IRX1: variants seen among roughly 807,000 people sequenced by gnomAD.
IRX1 encodes the protein iroquois-class homeodomain protein IRX-1.
IRX1 carries 22 observed loss-of-function variants against 34.1 expected under a neutral mutation model. The ratio of observed to expected loss-of-function variants is 0.64; its 90% CI spans 0.46 to 0.92. IRX1 has a LOEUF of 0.92. IRX1 is among the 40% of genes least tolerant of loss of function. The probability of loss-of-function intolerance (pLI) is 0.00; values close to 1 mark genes in which losing one functional copy is unlikely to be tolerated. For missense variants in IRX1, 758 were observed against 680.0 expected (o/e 1.11, Z -1.28); for synonymous variants, 363 against 319.0 (o/e 1.14, Z -1.47).
chr5:3,599,763 C>A lies in IRX1; in HGVS notation c.815C>A (p.Ala272Asp). Residue 272 changes from alanine (A) to aspartate (D), a missense_variant, in exon 2 of 4, where the codon GCC (alanine) becomes GAC (aspartate). Coordinates refer to ENST00000302006, the MANE Select transcript of IRX1 (RefSeq NM_024337.4). This position sits in a 1 kb window ranked among gnomAD's most constrained non-coding sequence, Gnocchi z 6.6. ...GACCAAGGCTCGCCGCTGGCAGCAG[C>A]CGACGTTCTCAAGCCCCAGGACTCG... ...ARDQGSPLAAADVLKPQDSPL... is the reference protein window; with the variant it reads ...ARDQGSPLAADDVLKPQDSPL... 6.2e-7 allele frequency: 1 copy of A among 1,609,680 alleles called. No homozygotes were observed. Among genetic ancestry groups the A allele is most frequent in the Non-Finnish European group, 8.5e-7 (1 of 1,178,878 alleles).
In IRX1 at chr5:3,600,188, C is replaced by G. The variant is rs1454679419; in HGVS notation, c.1240C>G (p.Pro414Ala). The G allele has an allele frequency of 1.9e-6, 3 of 1,612,132 alleles. No homozygotes were observed. The African/African-American group carries it at 4.0e-5, about 22-fold the overall frequency. ...CCTTCCTGCACCTCCACCACCGCAG[C>G]CGCCGGTCGCTATTGCCCCGGGGGC... ...PHLPAPPPPQPPVAIAPGALN... is the reference protein window; with the variant it reads ...PHLPAPPPPQAPVAIAPGALN... Residue 414 changes from proline to alanine, a missense_variant, in exon 2 of 4, where the codon CCG becomes GCG. Pro to Ala is a conservative substitution (Grantham distance 27). Around this residue, in one of 3 missense-constraint regions of IRX1, gnomAD observed 529 missense variants for 418.8 expected, o/e 1.26. Transcript: ENST00000302006.
intron 3 of IRX1, 94 bp downstream of exon 3, chr5:3,600,775 G>A (rs966587744): frequency 7.8e-7 from 1 of 1,280,108 alleles, no homozygotes. Context: ...GGTGGCGGTG[G>A]GGGTCGCGCA....
Position 3,599,778 on chromosome 5 carries a change from C to T in IRX1, c.830C>T (p.Pro277Leu), listed in dbSNP as rs368997184. The T allele has an allele frequency of 1.3e-4, 208 of 1,606,804 alleles. No homozygotes were observed. Among genetic ancestry groups the T allele is most frequent in the Non-Finnish European group, 1.6e-4 (192 of 1,177,736 alleles). ...CTGGCAGCAGCCGACGTTCTCAAGCCCCAGGACTCGCCCTTGGGCCTGGCA... is the reference window on the plus strand; with the variant it reads ...CTGGCAGCAGCCGACGTTCTCAAGCTCCAGGACTCGCCCTTGGGCCTGGCA... ...SPLAAADVLKPQDSPLGLAKE... is the reference protein window; with the variant it reads ...SPLAAADVLKLQDSPLGLAKE... Residue 277 changes from proline to leucine, a missense_variant, in exon 2 of 4, where the codon CCC becomes CTC. Pro to Leu is a moderately conservative substitution (Grantham distance 98). Transcript: ENST00000302006. This position sits in a 1 kb window ranked among gnomAD's most constrained non-coding sequence, Gnocchi z 6.6.
chr5:3,600,030 A>G lies in IRX1; in HGVS notation c.1082A>G (p.His361Arg). ...CAACACCCCGCCTTCCTGCCTAGCC[A>G]CGGACTGTACACCTGCCACATCGGC... ...PLQHPAFLPS[H>R]GLYTCHIGKF... is the part of the protein sequence containing the mutation. Residue 361 changes from histidine (H) to arginine (R), a missense_variant, in exon 2 of 4, where the codon CAC (histidine) becomes CGC (arginine). Transcript: ENST00000302006. 1 of 1,580,700 alleles carries G rather than the reference A, an allele frequency of 6.3e-7. No individual in the cohort carries two copies. Among genetic ancestry groups the G allele is most frequent in the South Asian group, 1.1e-5 (1 of 87,488 alleles).
At chr5:3,598,096 T>C (rs1216846545) in intron 1 of IRX1, among the ~76,000 whole-genome samples, 2 of 152,202 alleles carry the variant, frequency 1.3e-5, no homozygotes, top group African/African-American at 2.4e-5. Flanking sequence ...CCACTGGTTC[T>C]GAGAGAGTAA....
chr5:3,600,605 G>A lies in IRX1; in HGVS notation c.1313-4G>A. Reference sequence around the variant, plus strand: ...CTAACTCTGCCTCTTCCGATCTCTCGCAGAGAGAGACCTCGTCCCCAGGCC... The same window carrying A: ...CTAACTCTGCCTCTTCCGATCTCTCACAGAGAGAGACCTCGTCCCCAGGCC... On this transcript the variant is annotated splice_polypyrimidine_tract_variant and splice_region_variant and intron_variant, in intron 2 of 3. Coordinates refer to ENST00000302006, the MANE Select transcript of IRX1 (RefSeq NM_024337.4). The A allele has an allele frequency of 6.2e-7, 1 of 1,612,150 alleles. No homozygotes were observed. Among genetic ancestry groups the A allele is most frequent in the Non-Finnish European group, 8.5e-7 (1 of 1,178,558 alleles).
In IRX1 at chr5:3,599,305, C is replaced by T; in HGVS notation, c.357C>T (p.Pro119=). Residue 119 remains proline (P), a synonymous_variant, in exon 2 of 4, where the codon CCC becomes CCT. Coordinates refer to ENST00000302006, the MANE Select transcript of IRX1 (RefSeq NM_024337.4). This position sits in a 1 kb window ranked among gnomAD's most constrained non-coding sequence, Gnocchi z 6.6. The part of the protein sequence containing the change: ...FAAHTAPAYY[P]YGQFQYGDPG... ...CCCACACGGCGCCGGCTTATTACCC[C>T]TACGGCCAGTTCCAATACGGGGACC... The T allele has an allele frequency of 6.2e-7, 1 of 1,614,098 alleles. No individual in the cohort carries two copies. The highest frequency in any genetic ancestry group is 8.5e-7 in the Non-Finnish European group (1 of 1,180,028).
Position 3,596,152 on chromosome 5 carries a change from G to C in IRX1, c.47G>C (p.Gly16Ala). Residue 16 changes from glycine (G) to alanine (A), a missense_variant, in exon 1 of 4, where the codon GGG (glycine) becomes GCG (alanine). Gly to Ala is a moderately conservative substitution (Grantham distance 60). Coordinates refer to ENST00000302006, the MANE Select transcript of IRX1 (RefSeq NM_024337.4). ...LGYPQYLSAA[G>A]PGAYGGERPG... ...TACCCGCAGTACCTGAGCGCCGCGG[G>C]GCCGGGCGCCTACGGCGGCGAGCGC... 9.6e-7 allele frequency: 1 copy of C among 1,042,756 alleles called. No individual in the cohort carries two copies. The highest frequency in any genetic ancestry group is 1.2e-6 in the Non-Finnish European group (1 of 868,836). 64.6% of individuals were successfully genotyped at this position (1,042,756 alleles called of 1,614,324 possible). A position where few individuals can be genotyped will look rare whatever the true frequency, so the allele number is the denominator to read the frequency against.
chr5:3,599,820 C>T lies in IRX1; in HGVS notation c.872C>T (p.Pro291Leu). The T allele has an allele frequency of 6.4e-7, 1 of 1,573,274 alleles. No homozygotes were observed. Among genetic ancestry groups the T allele is most frequent in the Non-Finnish European group, 8.6e-7 (1 of 1,160,992 alleles). Reference protein sequence around the residue: ...PLGLAKEAPEPGSTRLLSPGA... With the variant: ...PLGLAKEAPELGSTRLLSPGA... Reference sequence around the variant, plus strand: ...GGCCTGGCAAAGGAGGCCCCAGAGCCGGGCAGCACGCGCCTGCTGAGCCCC... The same window carrying T: ...GGCCTGGCAAAGGAGGCCCCAGAGCTGGGCAGCACGCGCCTGCTGAGCCCC... The change falls in exon 2 of 4, where the codon CCG becomes CTG. Residue 291 changes from proline to leucine, a missense_variant. By Grantham distance (98) the Pro-to-Leu change is moderately conservative (BLOSUM62 -3). Coordinates refer to ENST00000302006, the MANE Select transcript of IRX1 (RefSeq NM_024337.4). The surrounding 1 kb of genome is among the most constrained non-coding windows in gnomAD (Gnocchi z 6.6).
Sources: allele counts gnomAD v4.1 joint callset (sites outside exome capture counted in the v4.1 genomes callset), GRCh38; gene constraint gnomAD v4.1.1; regional missense constraint gnomAD v4.1.1; non-coding constraint Gnocchi (gnomAD v3.1); transcripts MANE v1.5; gene names NCBI Gene and HGNC (gene_info 2026-07-23, HGNC 2026-07-21).